PEX14: variants seen among roughly 807,000 people sequenced by gnomAD.
The protein encoded by PEX14 is peroxisomal membrane protein PEX14.
A neutral mutation model predicts 49.5 loss-of-function variants in PEX14; 15 were observed. That is an observed-to-expected ratio of 0.30 (90% CI 0.20 to 0.47). The LOEUF (loss-of-function observed/expected upper bound fraction) is 0.47. Among genes scored for constraint, PEX14 ranks in the 20% least tolerant of loss-of-function variants. The pLI, the probability that PEX14 is intolerant of heterozygous loss-of-function variation, is 1.00. For synonymous variants in PEX14, 210 were observed against 212.7 expected (o/e 0.99, Z 0.11); for missense variants, 398 against 494.8 (o/e 0.80, Z 1.86).
intron 3 of PEX14, among the ~76,000 whole-genome samples, chr1:10,536,813 A>G (rs1431128559): frequency 6.6e-6 from 1 of 152,248 alleles, no homozygotes; most frequent in Non-Finnish European, 1.5e-5. Context: ...AAACAGGGAT[A>G]AAGTGGACCC....
chr1:10,492,527 CTT>C (rs1421447904), intron 1 of PEX14, among the ~76,000 whole-genome samples: 28 of 152,064 alleles, frequency 1.8e-4, no homozygotes, highest in Admixed American at 1.8e-3. Flanking sequence ...TATTTAACCT[CTT>C]TTGCCTCAGT....
chr1:10,565,248 T>A (rs910918117), intron 3 of PEX14, among the ~76,000 whole-genome samples: 17 of 152,224 alleles, frequency 1.1e-4, no homozygotes, highest in African/African-American at 3.9e-4. Context: ...AGTGAATAAT[T>A]GAGAAGCTCT....
intron 1 of PEX14, among the ~76,000 whole-genome samples, chr1:10,479,816 TC>T (rs1641253819): frequency 1.3e-5 from 2 of 152,132 alleles, no homozygotes; most frequent in Admixed American, 1.3e-4. Flanking sequence ...TGTTTTCTCC[TC>T]TGTAAAACGA....
chr1:10,542,377 C>T (rs570344933), intron 3 of PEX14, among the ~76,000 whole-genome samples: 5 of 152,284 alleles, frequency 3.3e-5, no homozygotes, highest in South Asian at 2.1e-4. Context: ...TGTTATATCT[C>T]GGCAGTCATT....
intron 3 of PEX14, among the ~76,000 whole-genome samples, chr1:10,549,526 C>CTATATATTGAGTCT (rs1472344323): frequency 4.6e-5 from 7 of 152,162 alleles, no homozygotes; most frequent in African/African-American, 1.4e-4. Flanking sequence ...GTCTATTTCT[C>CTATATATTGAGTCT]ATATTTACTT....
At chr1:10,626,521 G>A (rs1214578627) in intron 7 of PEX14, among the ~76,000 whole-genome samples, 1 of 152,200 alleles carries the variant, frequency 6.6e-6, no homozygotes, top group Non-Finnish European at 1.5e-5. Flanking sequence ...CCGACCCCAC[G>A]TCAGAGGCCA....
intron 1 of PEX14, among the ~76,000 whole-genome samples, chr1:10,475,752 G>A (rs929628605): frequency 6.6e-6 from 1 of 152,304 alleles, no homozygotes; most frequent in South Asian, 2.1e-4. Flanking sequence ...TCTCCGAAGG[G>A]GTTTATAGTC....
At chr1:10,500,532 G>A (rs1293034161) in intron 2 of PEX14, among the ~76,000 whole-genome samples, 8 of 151,976 alleles carry the variant, frequency 5.3e-5, no homozygotes, top group Non-Finnish European at 7.4e-5. Context: ...TGTACTTGTC[G>A]GCAGGTTCAC....
intron 1 of PEX14, among the ~76,000 whole-genome samples, chr1:10,480,827 GTCTC>G (rs1182681140): frequency 3.4e-5 from 5 of 149,134 alleles, no homozygotes; most frequent in Non-Finnish European, 7.4e-5. Context: ...CTTTATGTCA[GTCTC>G]TCTCTCTCTT....
chr1:10,605,135 C>G lies in PEX14; in HGVS notation c.298+5769C>G, dbSNP rs149022969. ...CTTAAAAAAATCTAGTGGCCTGAGG[C>G]TCTGACTGAGCAGGTGTTCTAGAAA... On this transcript the variant is annotated intron_variant, in intron 4 of 8. Coordinates refer to ENST00000356607, the MANE Select transcript of PEX14 (RefSeq NM_004565.3). Among the ~76,000 whole-genome samples, 423 of 152,218 alleles carry G rather than the reference C, an allele frequency of 2.8e-3. 3 individuals are homozygous for G. The highest frequency in any genetic ancestry group is 9.3e-3 in the African/African-American group (385 of 41,522).
chr1:10,619,742 C>T (rs1293363261), intron 5 of PEX14, among the ~76,000 whole-genome samples: 1 of 152,196 alleles, frequency 6.6e-6, no homozygotes, highest in African/African-American at 2.4e-5. Context: ...AAGCTAATGA[C>T]AGTTGTAGCA....
At chr1:10,549,175 A>G (rs1357146186) in intron 3 of PEX14, among the ~76,000 whole-genome samples, 2 of 152,188 alleles carry the variant, frequency 1.3e-5, no homozygotes, top group Non-Finnish European at 1.5e-5. Flanking sequence ...TATCACAACC[A>G]CGTAAATGTC....
In PEX14 at chr1:10,493,836, G is replaced by T. The variant is rs531201578; in HGVS notation, c.37-1438G>T. ...TAGTTTACATCATTTGGTGAAGTTTGTCCCATTCATGCCAAGAGGGAATGC... is the reference window on the plus strand; with the variant it reads ...TAGTTTACATCATTTGGTGAAGTTTTTCCCATTCATGCCAAGAGGGAATGC... On this transcript the variant is annotated intron_variant, in intron 1 of 8. Coordinates refer to ENST00000356607, the MANE Select transcript of PEX14 (RefSeq NM_004565.3). 3.3e-5 allele frequency among the ~76,000 whole-genome samples: 5 copies of T among 152,330 alleles called. No homozygotes were observed. The East Asian group carries it at 9.7e-4, about 29-fold the overall frequency.
chr1:10,578,159 C>T (rs1640206720), intron 3 of PEX14, among the ~76,000 whole-genome samples: 2 of 152,216 alleles, frequency 1.3e-5, no homozygotes, highest in African/African-American at 4.8e-5. Context: ...TACATATAAA[C>T]ACCCCTCACA....
At chr1:10,519,739 G>A (rs1452860753) in intron 2 of PEX14, among the ~76,000 whole-genome samples, 10 of 152,202 alleles carry the variant, frequency 6.6e-5, no homozygotes, top group Non-Finnish European at 1.3e-4. Context: ...AATTCATTGT[G>A]AGAATATTCA....
intron 3 of PEX14, among the ~76,000 whole-genome samples, chr1:10,559,832 CAG>C (rs950127082): frequency 1.3e-5 from 2 of 152,158 alleles, no homozygotes; most frequent in Admixed American, 6.5e-5. Context: ...AAGGATGGAA[CAG>C]GGGGTCATTT....
intron 1 of PEX14, among the ~76,000 whole-genome samples, chr1:10,492,921 A>G (rs1429754101): frequency 6.6e-6 from 1 of 152,240 alleles, no homozygotes; most frequent in Non-Finnish European, 1.5e-5. Flanking sequence ...AAGGAGAGGC[A>G]GGTGGTGTTA....
intron 3 of PEX14, among the ~76,000 whole-genome samples, chr1:10,583,786 A>G (rs1039044825): frequency 6.6e-6 from 1 of 152,116 alleles, no homozygotes; most frequent in African/African-American, 2.4e-5. Flanking sequence ...GAAGCAAACC[A>G]TGCAGATTTC....
chr1:10,599,394 A>T (rs750282921), intron 4 of PEX14, 28 bp downstream of exon 4: 1 of 1,613,790 alleles, frequency 6.2e-7, no homozygotes, highest in Admixed American at 1.7e-5. Flanking sequence ...ACTCCTGCTT[A>T]ACCTTGATTG....
Sources: gnomAD v4.1 joint callset for allele counts (sites outside exome capture counted in the v4.1 genomes callset) on GRCh38, gnomAD v4.1.1 for gene constraint, MANE v1.5 for transcripts, NCBI Gene and HGNC (gene_info 2026-07-23, HGNC 2026-07-21) for gene names.